NPSR1: variants seen among roughly 807,000 people sequenced by gnomAD.
NPSR1 encodes neuropeptide S receptor 1.
In NPSR1, 48 loss-of-function variants were observed where a neutral mutation model predicts 46.9. The ratio of observed to expected loss-of-function variants is 1.02; its 90% CI spans 0.81 to 1.30. NPSR1 has a LOEUF of 1.30. Among genes scored for constraint, NPSR1 ranks in the 50% most tolerant of loss-of-function variants. NPSR1 has a pLI of 0.00. For missense variants in NPSR1, 450 were observed against 449.5 expected (o/e 1.00, Z -0.01); for synonymous variants, 176 against 168.1 (o/e 1.05, Z -0.36).
At chr7:34,767,227 T>C (rs1005469254) in intron 2 of NPSR1, among the ~76,000 whole-genome samples, 4 of 152,224 alleles carry the variant, frequency 2.6e-5, no homozygotes, top group Admixed American at 1.3e-4. Flanking sequence ...TATACTGATA[T>C]TGACCAGGTA....
At chr7:34,661,880 A>G (rs17169954) in intron 1 of NPSR1, among the ~76,000 whole-genome samples, 1 of 152,198 alleles carries the variant, frequency 6.6e-6, no homozygotes, top group African/African-American at 2.4e-5. Flanking sequence ...ATCTACCAGA[A>G]GTTTTCAAGG....
At chr7:34,754,370 G>A (rs1326054343) in intron 2 of NPSR1, among the ~76,000 whole-genome samples, 2 of 152,150 alleles carry the variant, frequency 1.3e-5, no homozygotes, top group East Asian at 3.8e-4. Context: ...GGAGAAGGGT[G>A]CCTTTCTTAA....
Position 34,684,589 on chromosome 7 carries a change from T to C in NPSR1, c.185T>C (p.Phe62Ser), listed in dbSNP as rs751710810. ...QLITLWVLFV[F>S]TIVGNSVVLF... ...ATAACTCTGTGGGTCCTCTTTGTTT[T>C]TACCATTGTTGGAAACTCCGTTGTG... The change falls in exon 2 of 9, where the codon TTT (phenylalanine) becomes TCT (serine). Residue 62 changes from phenylalanine (F) to serine (S), a missense_variant. Phe to Ser is a radical substitution (Grantham distance 155). Coordinates refer to ENST00000360581, the MANE Select transcript of NPSR1 (RefSeq NM_207172.2). 2 of 1,613,860 alleles carry C rather than the reference T, an allele frequency of 1.2e-6. No individual in the cohort carries two copies. The highest frequency in any genetic ancestry group is 8.5e-7 in the Non-Finnish European group (1 of 1,179,884).
At chr7:34,723,994 G>A (rs1784006159) in intron 2 of NPSR1, among the ~76,000 whole-genome samples, 1 of 152,114 alleles carries the variant, frequency 6.6e-6, no homozygotes, top group African/African-American at 2.4e-5. Flanking sequence ...TGGTTGAACC[G>A]AAACCCATCT....
At chr7:34,788,516 T>C (rs921804330) in intron 3 of NPSR1, among the ~76,000 whole-genome samples, 1 of 152,104 alleles carries the variant, frequency 6.6e-6, no homozygotes, top group African/African-American at 2.4e-5. Flanking sequence ...GGTTGCTACA[T>C]TTACATCACA....
At chr7:34,841,367 G>A (rs1254818411) in intron 6 of NPSR1, among the ~76,000 whole-genome samples, 1 of 152,190 alleles carries the variant, frequency 6.6e-6, no homozygotes, top group South Asian at 2.1e-4. Flanking sequence ...AGCCAGAAAT[G>A]GCCATTTGGA....
chr7:34,810,297 G>A (rs1458548), intron 3 of NPSR1, among the ~76,000 whole-genome samples: 129 of 152,276 alleles, frequency 8.5e-4, no homozygotes, highest in African/African-American at 3.1e-3. Flanking sequence ...CAAGTTACCT[G>A]AAAAATGTCC....
At chr7:34,827,899 A>G (rs1478697045) in intron 5 of NPSR1, among the ~76,000 whole-genome samples, 1 of 152,226 alleles carries the variant, frequency 6.6e-6, no homozygotes, top group Non-Finnish European at 1.5e-5. Flanking sequence ...CATTGCCCCA[A>G]TTTAATGAAT....
At chr7:34,691,654 C>G (rs1344120955) in intron 2 of NPSR1, among the ~76,000 whole-genome samples, 1 of 151,994 alleles carries the variant, frequency 6.6e-6, no homozygotes, top group Non-Finnish European at 1.5e-5. Flanking sequence ...GTTCAAACGA[C>G]AAGAAGATTG....
chr7:34,814,965 C>T (rs1789170782), intron 4 of NPSR1, among the ~76,000 whole-genome samples: 1 of 152,148 alleles, frequency 6.6e-6, no homozygotes, highest in African/African-American at 2.4e-5. Context: ...GGGGAGAAAC[C>T]AGAGCGGAAA....
At chr7:34,669,328 C>G (rs1791918226) in intron 1 of NPSR1, among the ~76,000 whole-genome samples, 1 of 152,172 alleles carries the variant, frequency 6.6e-6, no homozygotes, top group African/African-American at 2.4e-5. Context: ...TTTGGGAGAT[C>G]AAAGCGGGTG....
chr7:34,825,573 C>T (rs1789788125), intron 4 of NPSR1, among the ~76,000 whole-genome samples: 1 of 152,184 alleles, frequency 6.6e-6, no homozygotes, highest in African/African-American at 2.4e-5. Context: ...GATCCTGCCC[C>T]AGACATTTCT....
chr7:34,846,472 TAA>T (rs1169336038), intron 7 of NPSR1, among the ~76,000 whole-genome samples: 2 of 152,186 alleles, frequency 1.3e-5, no homozygotes, highest in African/African-American at 2.4e-5. Context: ...AAAAATAATA[TAA>T]AAGAGGAATA....
At chr7:34,839,875 C>T (rs1201073891) in intron 6 of NPSR1, among the ~76,000 whole-genome samples, 1 of 152,096 alleles carries the variant, frequency 6.6e-6, no homozygotes. Flanking sequence ...ATTGACTCTT[C>T]CCAGCGTCCC....
chr7:34,740,667 T>C (rs1217549056), intron 2 of NPSR1, among the ~76,000 whole-genome samples: 1 of 152,204 alleles, frequency 6.6e-6, no homozygotes, highest in South Asian at 2.1e-4. Flanking sequence ...CATCTAGACC[T>C]TTAGGTTACC....
At chr7:34,705,262 A>G (rs1471311307) in intron 2 of NPSR1, among the ~76,000 whole-genome samples, 1 of 151,980 alleles carries the variant, frequency 6.6e-6, no homozygotes, top group Non-Finnish European at 1.5e-5. Context: ...CCCCGTCTCT[A>G]TTAAAAATAT....
chr7:34,710,422 C>T (rs1331661189), intron 2 of NPSR1, among the ~76,000 whole-genome samples: 1 of 152,164 alleles, frequency 6.6e-6, no homozygotes, highest in African/African-American at 2.4e-5. Context: ...ATTTGTACTT[C>T]CTATATTCCT....
At chr7:34,772,107 T>TA (rs1219999561) in intron 2 of NPSR1, among the ~76,000 whole-genome samples, 1 of 152,182 alleles carries the variant, frequency 6.6e-6, no homozygotes, top group African/African-American at 2.4e-5. Flanking sequence ...TTGTTTTTCT[T>TA]AAAGCCTTTT....
At chr7:34,679,662 C>A (rs1792514398) in intron 1 of NPSR1, among the ~76,000 whole-genome samples, 1 of 151,838 alleles carries the variant, frequency 6.6e-6, no homozygotes. Flanking sequence ...TTCCAAGAAC[C>A]TATTGATGAT....
Sources: gnomAD v4.1 joint callset for allele counts (sites outside exome capture counted in the v4.1 genomes callset) on GRCh38, gnomAD v4.1.1 for gene constraint, MANE v1.5 for transcripts, NCBI Gene and HGNC (gene_info 2026-07-23, HGNC 2026-07-21) for gene names.